The following PDE5A variants were observed in gnomAD, a reference collection of about 807,000 sequenced individuals.
PDE5A encodes the protein phosphodiesterase 5A.
A neutral mutation model predicts 110.2 loss-of-function variants in PDE5A; 67 were observed. The observed-to-expected ratio is 0.61, with a 90% CI of 0.50 to 0.75. The LOEUF (loss-of-function observed/expected upper bound fraction) is 0.75. Ranked by LOEUF, PDE5A falls within the 30% of genes least tolerant of loss-of-function variation. PDE5A has a pLI of 0.00. For synonymous variants in PDE5A, 328 were observed against 351.2 expected (o/e 0.93, Z 0.74); for missense variants, 862 against 1,045.1 (o/e 0.82, Z 2.42).
rs558190666 is a variant in PDE5A at position 119,573,870 on chromosome 4, G to A, written c.832-6726C>T. 3.9e-5 allele frequency among the ~76,000 whole-genome samples: 6 copies of A among 152,178 alleles called. No homozygotes were observed. The East Asian group carries it at 1.2e-3, about 29-fold the overall frequency. On this transcript the variant is annotated intron_variant, in intron 3 of 20. Transcript: ENST00000354960. The stretch of plus-strand genomic sequence containing the variant: ...GATCAATGCCATTGTTTCTAATACA[G>A]TTAAGAAATCTCCTCCTCGCTAAAA...
intron 2 of PDE5A, among the ~76,000 whole-genome samples, chr4:119,604,382 G>A (rs961592520): frequency 6.6e-6 from 1 of 152,154 alleles, no homozygotes; most frequent in Non-Finnish European, 1.5e-5. Context: ...TCTCAACAAA[G>A]CTAGAGAATA....
In PDE5A at chr4:119,515,082, G is replaced by A. The variant is rs115860039; in HGVS notation, c.2001-3948C>T. Among the ~76,000 whole-genome samples the A allele has an allele frequency of 7.7e-3, 1,170 of 152,118 alleles. 13 individuals carry two copies. Among genetic ancestry groups the A allele is most frequent in the African/African-American group, 0.027 (1,101 of 41,502 alleles). On this transcript the variant is annotated intron_variant, in intron 14 of 20. Coordinates refer to ENST00000354960, the MANE Select transcript of PDE5A (RefSeq NM_001083.4). ...TGCAAAAACGTTTCAAATGGCATAA[G>A]GCCTATATAAAGTTTTAGCTTCTAT...
rs528917693 is a variant in PDE5A at position 119,525,465 on chromosome 4, A to G, written c.1779+84T>C. On this transcript the variant is annotated intron_variant, in intron 12 of 20. Transcript: ENST00000354960. The surrounding 1 kb of genome is among the most constrained non-coding windows in gnomAD (Gnocchi z 4.3). ...TAAAATGTAAAAATCCCTATTCCATATTTGCATTCAAAACCAATTCTCTCT... is the reference window on the plus strand; with the variant it reads ...TAAAATGTAAAAATCCCTATTCCATGTTTGCATTCAAAACCAATTCTCTCT... 60 of 1,283,502 alleles carry G rather than the reference A, an allele frequency of 4.7e-5. No homozygotes were observed. In the South Asian group the frequency reaches 8.1e-4, roughly 17 times the overall value. 79.5% of individuals were successfully genotyped at this position (1,283,502 alleles called of 1,614,324 possible). A position where few individuals can be genotyped will look rare whatever the true frequency, so the allele number is the denominator to read the frequency against.
At chr4:119,542,742 C>T (rs1726985702) in intron 9 of PDE5A, 108 bp from the exon 10 acceptor site, 4 of 984,008 alleles carry the variant, frequency 4.1e-6, no homozygotes, top group Middle Eastern at 2.2e-4. Context: ...CTTAGGAATG[C>T]TTAGTATGTC....
chr4:119,555,299 A>G (rs1391067024), intron 7 of PDE5A, among the ~76,000 whole-genome samples: 1 of 152,216 alleles, frequency 6.6e-6, no homozygotes, highest in Non-Finnish European at 1.5e-5. Context: ...TTTAAATTGA[A>G]TATTTCTTGA....
At chr4:119,572,512 A>G (rs140501801) in intron 3 of PDE5A, among the ~76,000 whole-genome samples, 2 of 152,346 alleles carry the variant, frequency 1.3e-5, no homozygotes, top group East Asian at 3.9e-4. Flanking sequence ...GCCATTAATT[A>G]TGGAGTTGAA....
At chr4:119,536,572 C>T (rs763075787) in intron 11 of PDE5A, among the ~76,000 whole-genome samples, 1 of 152,134 alleles carries the variant, frequency 6.6e-6, no homozygotes, top group Non-Finnish European at 1.5e-5. Flanking sequence ...TAAATATAGA[C>T]AATTCCATAT....
intron 10 of PDE5A, among the ~76,000 whole-genome samples, chr4:119,539,661 G>A (rs1290434421): frequency 6.6e-6 from 1 of 152,112 alleles, no homozygotes; most frequent in Non-Finnish European, 1.5e-5. Context: ...TGATTTGGCT[G>A]TAAGCTCACA....
At chr4:119,543,696 T>C (rs1727030520) in intron 9 of PDE5A, 1 of 152,588 alleles carries the variant, frequency 6.6e-6, no homozygotes, top group Non-Finnish European at 1.5e-5. Flanking sequence ...AGATCATTGC[T>C]ATCAGTGCCC....
chr4:119,606,052 T>A (rs1055318943), intron 2 of PDE5A, among the ~76,000 whole-genome samples: 1 of 152,240 alleles, frequency 6.6e-6, no homozygotes. Context: ...ATGGGAAATT[T>A]GAAGAATCTT....
intron 1 of PDE5A, among the ~76,000 whole-genome samples, chr4:119,608,932 C>A (rs1237514483): frequency 1.3e-5 from 2 of 151,928 alleles, no homozygotes; most frequent in African/African-American, 4.8e-5. Flanking sequence ...GAGGCCGAGG[C>A]GGGCGGATCA....
At chr4:119,620,175 A>G (rs948955125) in intron 1 of PDE5A, among the ~76,000 whole-genome samples, 2 of 152,204 alleles carry the variant, frequency 1.3e-5, no homozygotes, top group African/African-American at 4.8e-5. Flanking sequence ...TTAACAGACT[A>G]TTATTAAACA....
At chr4:119,603,621 A>AT (rs35535411) in intron 2 of PDE5A, among the ~76,000 whole-genome samples, 143,626 of 152,236 alleles carry the variant, frequency 0.94, 67,820 homozygotes, top group Admixed American at 0.97. Context: ...AAACTATAGA[A>AT]TTTTCAAATT....
chr4:119,563,050 T>C, intron 5 of PDE5A, 80 bp from the exon 6 acceptor site: 7 of 1,211,730 alleles, frequency 5.8e-6, no homozygotes, highest in Non-Finnish European at 7.9e-6. Context: ...GGGTTATAAA[T>C]TGTTTATATA....
chr4:119,577,793 C>CT (rs1203519318), intron 3 of PDE5A, among the ~76,000 whole-genome samples: 1 of 152,182 alleles, frequency 6.6e-6, no homozygotes. Flanking sequence ...GGGATGCCCT[C>CT]TCTCACCACT....
chr4:119,602,048 T>C (rs901572772), intron 2 of PDE5A, among the ~76,000 whole-genome samples: 6 of 152,142 alleles, frequency 3.9e-5, no homozygotes, highest in Non-Finnish European at 8.8e-5. Flanking sequence ...GGAAAATAAC[T>C]CTAAAGCTTA....
At position 119,519,052 on chromosome 4, in the gene PDE5A, T is replaced by C; in HGVS notation, c.1993A>G (p.Ile665Val). The change falls in exon 14 of 21, where the codon ATA (isoleucine) becomes GTA (valine). Residue 665 changes from isoleucine (I) to valine (V), a missense_variant. Coordinates refer to ENST00000354960, the MANE Select transcript of PDE5A (RefSeq NM_001083.4). Reference sequence around the variant, plus strand: ...TTACTGGGAAAGTCTTACCGCTGTATGTAAGAGTTATTCACACCACGGTGA... The same window carrying C: ...TTACTGGGAAAGTCTTACCGCTGTACGTAAGAGTTATTCACACCACGGTGA... Reference protein sequence around the residue: ...LDHRGVNNSYIQRSEHPLAQL... With the variant: ...LDHRGVNNSYVQRSEHPLAQL... 1.2e-6 allele frequency: 2 copies of C among 1,606,306 alleles called. No homozygotes were observed. The highest frequency in any genetic ancestry group is 1.7e-6 in the Non-Finnish European group (2 of 1,172,872).
intron 2 of PDE5A, among the ~76,000 whole-genome samples, chr4:119,605,169 C>CT (rs1198607074): frequency 6.6e-6 from 1 of 152,186 alleles, no homozygotes; most frequent in Non-Finnish European, 1.5e-5. Context: ...TTCAAGACCT[C>CT]TAATTTCCTG....
intron 3 of PDE5A, among the ~76,000 whole-genome samples, chr4:119,579,851 AAG>A (rs1222787920): frequency 3.8e-4 from 58 of 152,256 alleles, no homozygotes; most frequent in African/African-American, 1.3e-3. Context: ...AAAAAAAAAA[AAG>A]ATCTGTGAGT....
Sources: gnomAD v4.1 joint callset for allele counts (sites outside exome capture counted in the v4.1 genomes callset) on GRCh38, gnomAD v4.1.1 for gene constraint, Gnocchi (gnomAD v3.1) non-coding constraint, MANE v1.5 for transcripts, NCBI Gene and HGNC (gene_info 2026-07-23, HGNC 2026-07-21) for gene names.